The following SEMA3C variants were observed in gnomAD, a reference collection of about 807,000 sequenced individuals.
SEMA3C encodes semaphorin-3C.
Under a neutral mutation model 89.4 loss-of-function variants are expected in SEMA3C, and 47 were observed. That is an observed-to-expected ratio of 0.53 (90% CI 0.42 to 0.67). SEMA3C has a LOEUF of 0.67. SEMA3C is among the 30% of genes least tolerant of loss of function. SEMA3C has a pLI of 0.00. For synonymous variants in SEMA3C, 310 were observed against 320.2 expected (o/e 0.97, Z 0.34); for missense variants, 839 against 929.1 (o/e 0.90, Z 1.26).
intron 2 of SEMA3C, among the ~76,000 whole-genome samples, chr7:80,861,459 A>G (rs1360458136): frequency 2.0e-5 from 3 of 152,186 alleles, no homozygotes; most frequent in African/African-American, 7.2e-5. Flanking sequence ...CAAATTTTAG[A>G]AGTTACTTCA....
intron 12 of SEMA3C, among the ~76,000 whole-genome samples, chr7:80,773,930 G>A (rs1243000701): frequency 1.3e-5 from 2 of 152,214 alleles, no homozygotes; most frequent in African/African-American, 4.8e-5. Context: ...GCTGGATGAA[G>A]TTGTTCTTGC....
At chr7:80,866,126 A>G (rs1790921210) in intron 2 of SEMA3C, among the ~76,000 whole-genome samples, 1 of 152,196 alleles carries the variant, frequency 6.6e-6, no homozygotes, top group Non-Finnish European at 1.5e-5. Flanking sequence ...CAGTGTTTTC[A>G]GATATGTGTT....
chr7:80,786,865 A>C (rs1490686110), intron 12 of SEMA3C, among the ~76,000 whole-genome samples: 3 of 152,216 alleles, frequency 2.0e-5, no homozygotes, highest in African/African-American at 7.2e-5. Flanking sequence ...CAAATATGGG[A>C]GATTGGATTA....
chr7:80,797,956 C>T (rs1015086787), intron 11 of SEMA3C, 136 bp downstream of exon 11: 28 of 779,758 alleles, frequency 3.6e-5, no homozygotes, highest in South Asian at 6.2e-5. Flanking sequence ...TGAGATTGCA[C>T]CACTACATTC....
intron 11 of SEMA3C, among the ~76,000 whole-genome samples, chr7:80,790,309 AAAAGGAGGAGGAGGAGGAG>A (rs1243351870): frequency 6.6e-6 from 1 of 151,958 alleles, no homozygotes; most frequent in Non-Finnish European, 1.5e-5. Flanking sequence ...AAGAAGAGAA[AAAAGGAGGAGGAGGAGGAG>A]AAAGGAGGAG....
chr7:80,830,639 A>G lies in SEMA3C; in HGVS notation c.104-1894T>C, dbSNP rs569832008. Among the ~76,000 whole-genome samples, 3 of 152,310 alleles carry G rather than the reference A, an allele frequency of 2.0e-5. No homozygotes were observed. In the East Asian group the frequency reaches 5.8e-4, roughly 29 times the overall value. On this transcript the variant is annotated intron_variant, in intron 2 of 17. Transcript: ENST00000265361. The stretch of plus-strand genomic sequence containing the variant: ...TTAAAATGTAAGATCATGACAGCAT[A>G]CAAGAACAAAAGACAGGTCATTAAT...
intron 14 of SEMA3C, 79 bp from the exon 15 acceptor site, chr7:80,758,567 T>C (rs1788118394): frequency 1.5e-6 from 2 of 1,353,904 alleles, no homozygotes; most frequent in Non-Finnish European, 2.1e-6. Context: ...TTATAATATA[T>C]GCCCACAAAC....
At chr7:80,788,895 T>C (rs1788866927) in intron 12 of SEMA3C, among the ~76,000 whole-genome samples, 1 of 152,204 alleles carries the variant, frequency 6.6e-6, no homozygotes, top group Non-Finnish European at 1.5e-5. Flanking sequence ...TATGTCTAGA[T>C]GCAACTCTAG....
chr7:80,884,347 A>T (rs1025170846), intron 2 of SEMA3C, among the ~76,000 whole-genome samples: 3 of 152,176 alleles, frequency 2.0e-5, no homozygotes, highest in African/African-American at 4.8e-5. Flanking sequence ...CTTGACTCTA[A>T]CATAGAGGAC....
chr7:80,854,991 A>G (rs1217689862), intron 2 of SEMA3C, among the ~76,000 whole-genome samples: 1 of 152,200 alleles, frequency 6.6e-6, no homozygotes, highest in Non-Finnish European at 1.5e-5. Flanking sequence ...TAAAGCATGC[A>G]TGCTCTTTGG....
intron 12 of SEMA3C, among the ~76,000 whole-genome samples, chr7:80,780,747 G>A (rs541706483): frequency 8.5e-5 from 13 of 152,084 alleles, no homozygotes; most frequent in Non-Finnish European, 1.2e-4. Context: ...AGCCAGGCGC[G>A]GTGGTGTGCA....
At chr7:80,895,380 A>G (rs1791709798) in intron 2 of SEMA3C, among the ~76,000 whole-genome samples, 1 of 152,182 alleles carries the variant, frequency 6.6e-6, no homozygotes, top group South Asian at 2.1e-4. Context: ...AGTAAAACAG[A>G]TAGTATTTCT....
At chr7:80,799,599 T>C (rs900305949) in intron 10 of SEMA3C, among the ~76,000 whole-genome samples, 1 of 152,064 alleles carries the variant, frequency 6.6e-6, no homozygotes, top group East Asian at 1.9e-4. Context: ...TCCCAGCACA[T>C]TGGGAGGCCC....
chr7:80,887,758 T>C (rs1791517644), intron 2 of SEMA3C, among the ~76,000 whole-genome samples: 1 of 152,174 alleles, frequency 6.6e-6, no homozygotes, highest in South Asian at 2.1e-4. Context: ...CAATTACCTG[T>C]CATGGGAAAA....
At chr7:80,873,851 G>A (rs1361707641) in intron 2 of SEMA3C, among the ~76,000 whole-genome samples, 1 of 152,272 alleles carries the variant, frequency 6.6e-6, no homozygotes, top group East Asian at 1.9e-4. Flanking sequence ...AGGGGCAAGG[G>A]TAGAAGCTCT....
At chr7:80,751,643 G>A (rs1282598574) in intron 15 of SEMA3C, among the ~76,000 whole-genome samples, 1 of 152,014 alleles carries the variant, frequency 6.6e-6, no homozygotes, top group Non-Finnish European at 1.5e-5. Context: ...AATTAATAGT[G>A]TAAATTTTTA....
At position 80,863,901 on chromosome 7, in the gene SEMA3C, T is replaced by TCACACA. The variant is rs1562912165; in HGVS notation, c.104-35157_104-35156insTGTGTG. 2.3e-4 allele frequency among the ~76,000 whole-genome samples: 28 copies of TCACACA among 119,918 alleles called. 2 individuals are homozygous for TCACACA. The highest frequency in any genetic ancestry group is 1.0e-3 in the African/African-American group (26 of 25,260). The allele number at this position is 119,918 out of a possible 152,430, so 78.7% of individuals were successfully genotyped here. A position where few individuals can be genotyped will look rare whatever the true frequency, so the allele number is the denominator to read the frequency against. ...GTATCACATATATATCACACATATA[T>TCACACA]TACATATATATCACATATATATCAT... On this transcript the variant is annotated intron_variant, in intron 2 of 17. Coordinates refer to ENST00000265361, the MANE Select transcript of SEMA3C (RefSeq NM_006379.5).
At chr7:80,767,584 T>C (rs1416885452) in intron 12 of SEMA3C, among the ~76,000 whole-genome samples, 4 of 152,242 alleles carry the variant, frequency 2.6e-5, no homozygotes, top group Non-Finnish European at 2.9e-5. Context: ...ATATATTTAC[T>C]TAAAATGTTT....
intron 11 of SEMA3C, among the ~76,000 whole-genome samples, chr7:80,794,045 T>C (rs954506114): frequency 6.6e-6 from 1 of 152,090 alleles, no homozygotes; most frequent in Admixed American, 6.5e-5. Context: ...AGTTGAAGAC[T>C]TGTGCTTATG....
Sources: gnomAD v4.1 joint callset for allele counts (sites outside exome capture counted in the v4.1 genomes callset) on GRCh38, gnomAD v4.1.1 for gene constraint, MANE v1.5 for transcripts, NCBI Gene and HGNC (gene_info 2026-07-23, HGNC 2026-07-21) for gene names.